The following SLC9C1 variants were observed in gnomAD, a reference collection of about 807,000 sequenced individuals.
SLC9C1 encodes sodium/hydrogen exchanger 10.
A neutral mutation model predicts 140.9 loss-of-function variants in SLC9C1; 97 were observed. The observed-to-expected ratio is 0.69, with a 90% CI of 0.58 to 0.82. SLC9C1 has a LOEUF of 0.82. Ranked by LOEUF, SLC9C1 falls within the 40% of genes least tolerant of loss-of-function variation. The pLI is 0.00. For synonymous variants in SLC9C1, 440 were observed against 442.6 expected (o/e 0.99, Z 0.07); for missense variants, 1,340 against 1,389.3 (o/e 0.96, Z 0.56).
chr3:112,183,101 T>C (rs2077468504), intron 20 of SLC9C1, among the ~76,000 whole-genome samples: 1 of 152,206 alleles, frequency 6.6e-6, no homozygotes, highest in Non-Finnish European at 1.5e-5. Flanking sequence ...ATTGAGTATA[T>C]GGTTATCTAA....
At chr3:112,207,886 C>A (rs1304660046) in intron 16 of SLC9C1, among the ~76,000 whole-genome samples, 1 of 152,076 alleles carries the variant, frequency 6.6e-6, no homozygotes, top group Non-Finnish European at 1.5e-5. Context: ...AAGTACTCAC[C>A]ACCCTGCTAA....
At chr3:112,282,924 T>C (rs1239184792) in intron 2 of SLC9C1, among the ~76,000 whole-genome samples, 3 of 152,256 alleles carry the variant, frequency 2.0e-5, no homozygotes, top group African/African-American at 7.2e-5. Context: ...CTTAATTTTC[T>C]ATTTTGTAAA....
Position 112,278,868 on chromosome 3 carries a change from AC to A in SLC9C1, c.190-12del. 1 of 1,598,704 alleles carries A rather than the reference AC, an allele frequency of 6.3e-7. No individual in the cohort carries two copies. Among genetic ancestry groups the A allele is most frequent in the Non-Finnish European group, 8.5e-7 (1 of 1,175,138 alleles). On this transcript the variant is annotated splice_polypyrimidine_tract_variant and intron_variant, in intron 3 of 28. Coordinates refer to ENST00000305815, the MANE Select transcript of SLC9C1 (RefSeq NM_183061.3). ...TGCGTATCTTTGGACCTAATATTAT[AC>A]AAATATATCATCTTCTCATTTATTC...
At chr3:112,198,525 G>C (rs2077822969) in intron 20 of SLC9C1, among the ~76,000 whole-genome samples, 2 of 150,992 alleles carry the variant, frequency 1.3e-5, no homozygotes, top group African/African-American at 4.9e-5. Context: ...TTAATGTTTT[G>C]CTATCTAACA....
At chr3:112,217,284 A>C (rs972268234) in intron 15 of SLC9C1, among the ~76,000 whole-genome samples, 158 bp downstream of exon 15, 1 of 152,174 alleles carries the variant, frequency 6.6e-6, no homozygotes, top group Admixed American at 6.5e-5. Flanking sequence ...AAGCACACCA[A>C]CGTGTCACAT....
intron 28 of SLC9C1, among the ~76,000 whole-genome samples, chr3:112,142,715 A>T (rs1316954723): frequency 6.6e-6 from 1 of 152,192 alleles, no homozygotes; most frequent in African/African-American, 2.4e-5. Flanking sequence ...TTGGGCAATA[A>T]TAAAAAAAAA....
intron 19 of SLC9C1, 21 bp downstream of exon 19, chr3:112,200,688 TAA>T: frequency 6.2e-7 from 1 of 1,600,742 alleles, no homozygotes; most frequent in Non-Finnish European, 8.5e-7. Flanking sequence ...ATGGTCATGC[TAA>T]ATAGGATGAG....
chr3:112,224,269 G>C (rs1339414034), intron 13 of SLC9C1, among the ~76,000 whole-genome samples: 1 of 152,108 alleles, frequency 6.6e-6, no homozygotes, highest in Non-Finnish European at 1.5e-5. Context: ...CCAGTAAAAA[G>C]CTAATGCACC....
intron 10 of SLC9C1, 64 bp downstream of exon 10, chr3:112,262,860 A>ATG (rs1576472317): frequency 8.2e-7 from 1 of 1,218,038 alleles, no homozygotes; most frequent in East Asian, 3.1e-5. Context: ...AAAAAAACAT[A>ATG]TATTTTAAAT....
chr3:112,275,140 C>T (rs1440486275), intron 5 of SLC9C1, 115 bp from the exon 6 acceptor site: 10 of 1,089,936 alleles, frequency 9.2e-6, no homozygotes, highest in Non-Finnish European at 1.2e-5. Context: ...TATGGATTTA[C>T]TGTAAGTTAA....
intron 14 of SLC9C1, among the ~76,000 whole-genome samples, chr3:112,219,607 C>A (rs539632099): frequency 6.6e-6 from 1 of 152,212 alleles, no homozygotes; most frequent in African/African-American, 2.4e-5. Context: ...GAGACAGAGC[C>A]TTGCTCTGTC....
chr3:112,184,644 A>G (rs1277392635), intron 20 of SLC9C1, among the ~76,000 whole-genome samples: 1 of 152,206 alleles, frequency 6.6e-6, no homozygotes, highest in African/African-American at 2.4e-5. Context: ...TCAAAAACAA[A>G]CAAACAAAAT....
At chr3:112,275,857 C>A (rs2080198916) in intron 5 of SLC9C1, among the ~76,000 whole-genome samples, 1 of 152,024 alleles carries the variant, frequency 6.6e-6, no homozygotes, top group Non-Finnish European at 1.5e-5. Flanking sequence ...TAAGACTTGG[C>A]AGTGTTTCTC....
intron 14 of SLC9C1, among the ~76,000 whole-genome samples, chr3:112,218,174 GTTTTT>G (rs61498352): frequency 1.4e-5 from 2 of 143,334 alleles, no homozygotes; most frequent in Non-Finnish European, 3.0e-5. Flanking sequence ...TTTCTGCTAG[GTTTTT>G]TTTTTTTTTT....
intron 15 of SLC9C1, among the ~76,000 whole-genome samples, chr3:112,216,570 A>G (rs1286587753): frequency 6.6e-6 from 1 of 151,930 alleles, no homozygotes; most frequent in Non-Finnish European, 1.5e-5. Flanking sequence ...ACTTCTCAAA[A>G]GAAGACATTT....
chr3:112,204,405 T>C lies in SLC9C1; in HGVS notation c.1987-2A>G. The C allele has an allele frequency of 1.9e-6, 3 of 1,558,118 alleles. No homozygotes were observed. Among genetic ancestry groups the C allele is most frequent in the Non-Finnish European group, 2.6e-6 (3 of 1,161,750 alleles). ...AAAGTCCTTCCTCATTGCTGCTATC[T>C]GTTGATTTAAAAGGAAATTACATTA... On this transcript the variant is annotated splice_acceptor_variant, in intron 16 of 28. Transcript: ENST00000305815. LOFTEE classifies it high-confidence loss of function.
chr3:112,190,564 C>T (rs1156268978), intron 20 of SLC9C1, among the ~76,000 whole-genome samples: 1 of 151,896 alleles, frequency 6.6e-6, no homozygotes, highest in Non-Finnish European at 1.5e-5. Flanking sequence ...CAGTTTTTGC[C>T]CATCATTTCT....
chr3:112,159,322 A>C (rs1029559135), intron 26 of SLC9C1, among the ~76,000 whole-genome samples: 8 of 151,874 alleles, frequency 5.3e-5, no homozygotes, highest in Non-Finnish European at 8.8e-5. Flanking sequence ...TAGTTTCCAA[A>C]GTTCCTCCTC....
At chr3:112,162,379 C>T (rs1384244374) in intron 26 of SLC9C1, among the ~76,000 whole-genome samples, 1 of 152,020 alleles carries the variant, frequency 6.6e-6, no homozygotes, top group Non-Finnish European at 1.5e-5. Context: ...CCAGTTTTTG[C>T]CCATTCAGTA....
Sources: gnomAD v4.1 joint callset for allele counts (sites outside exome capture counted in the v4.1 genomes callset) on GRCh38, gnomAD v4.1.1 for gene constraint, MANE v1.5 for transcripts, NCBI Gene and HGNC (gene_info 2026-07-23, HGNC 2026-07-21) for gene names.